MBTPS2: variants seen among roughly 807,000 people sequenced by gnomAD.
MBTPS2 encodes the protein membrane-bound transcription factor site-2 protease.
MBTPS2 carries 2 observed loss-of-function variants against 35.4 expected under a neutral mutation model. That is an observed-to-expected ratio of 0.06 (90% CI 0.02 to 0.18). The LOEUF (loss-of-function observed/expected upper bound fraction) is 0.18. Among genes scored for constraint, MBTPS2 ranks in the 10% least tolerant of loss-of-function variants. The probability of loss-of-function intolerance (pLI) is 1.00; values close to 1 mark genes in which losing one functional copy is unlikely to be tolerated. For missense variants in MBTPS2, 244 were observed against 386.5 expected (o/e 0.63, Z 3.09); for synonymous variants, 125 against 140.4 (o/e 0.89, Z 0.77).
chrX:21,863,133 T>C (rs937205737), intron 5 of MBTPS2, among the ~76,000 whole-genome samples: 3 of 96,967 alleles, frequency 3.1e-5, no homozygotes, highest in Admixed American at 1.2e-4. Context: ...CCGAGCATGC[T>C]GGCACGCGCC....
chrX:21,847,784 A>G (rs2092910165), intron 3 of MBTPS2, among the ~76,000 whole-genome samples: 1 of 112,266 alleles, frequency 8.9e-6, no homozygotes, highest in Admixed American at 9.5e-5. Flanking sequence ...AGAGAAAAGT[A>G]TAATACTGGA....
At chrX:21,874,573 C>A (rs2092951105) in intron 7 of MBTPS2, among the ~76,000 whole-genome samples, 1 of 111,930 alleles carries the variant, frequency 8.9e-6, no homozygotes, top group East Asian at 2.8e-4. Flanking sequence ...CACCTCTGGT[C>A]TAGACCATTC....
At chrX:21,848,443 T>A (rs1226646615) in intron 3 of MBTPS2, among the ~76,000 whole-genome samples, 1 of 107,742 alleles carries the variant, frequency 9.3e-6, no homozygotes, top group Non-Finnish European at 1.9e-5. Context: ...GGTGGGTGGA[T>A]CACGAGGTCA....
intron 7 of MBTPS2, among the ~76,000 whole-genome samples, chrX:21,875,305 T>C (rs938029861): frequency 8.9e-6 from 1 of 112,262 alleles, no homozygotes; most frequent in African/African-American, 3.2e-5. Context: ...TTCTGGTTTC[T>C]GTTGGGACAA....
Position 21,884,195 on chromosome X carries a change from A to G in MBTPS2, c.*1540A>G, listed in dbSNP as rs1346280300. 3 of 692,272 alleles carry G rather than the reference A, an allele frequency of 4.3e-6. No homozygotes were observed. Among genetic ancestry groups the G allele is most frequent in the Non-Finnish European group, 5.1e-6 (3 of 583,748 alleles). 57.1% of individuals were successfully genotyped at this position (692,272 alleles called of 1,213,427 possible). On this transcript the variant is annotated 3_prime_UTR_variant, in exon 11 of 11. Transcript: ENST00000379484. ...TAACATTTTATTAATGACTTGGGTC[A>G]TCAGTTAATACCAGTACTAAAACCA... is the stretch of plus-strand genomic sequence containing the variant.
At chrX:21,878,004 A>T (rs1241329414) in intron 7 of MBTPS2, 38 bp from the exon 8 acceptor site, 2 of 901,257 alleles carry the variant, frequency 2.2e-6, no homozygotes, top group African/African-American at 3.9e-5. Context: ...ATGTATTTTT[A>T]TATAAGAGAC....
chrX:21,846,652 G>A (rs758773893), intron 3 of MBTPS2, among the ~76,000 whole-genome samples: 1 of 112,575 alleles, frequency 8.9e-6, no homozygotes, highest in Non-Finnish European at 1.9e-5. Flanking sequence ...TTATAGGCAT[G>A]AGCCACTGCG....
At chrX:21,842,865 G>A (rs1466793769) in intron 1 of MBTPS2, among the ~76,000 whole-genome samples, 1 of 111,015 alleles carries the variant, frequency 9.0e-6, no homozygotes, top group Non-Finnish European at 1.9e-5. Context: ...GCATATTTTT[G>A]GTTTTTATTG....
At chrX:21,846,304 A>G (rs2092908608) in intron 3 of MBTPS2, among the ~76,000 whole-genome samples, 1 of 111,987 alleles carries the variant, frequency 8.9e-6, no homozygotes, top group Admixed American at 9.4e-5. Context: ...CACAGCTCAT[A>G]ACTAGTAGAT....
At position 21,853,575 on chromosome X, in the gene MBTPS2, G is replaced by A; in HGVS notation, c.670+72G>A. 5.1e-6 allele frequency: 5 copies of A among 984,370 alleles called. No individual in the cohort carries two copies. In the South Asian group the frequency reaches 9.7e-5, roughly 19 times the overall value. 81.1% of individuals were successfully genotyped at this position (984,370 alleles called of 1,213,427 possible). Reference sequence around the variant, plus strand: ...TGATTTTCTATGGTTAGTGCTTTTTGGAAAATATATCACAAATGACAATAT... The same window carrying A: ...TGATTTTCTATGGTTAGTGCTTTTTAGAAAATATATCACAAATGACAATAT... On this transcript the variant is annotated intron_variant, in intron 5 of 10. Transcript: ENST00000379484.
At position 21,878,028 on chromosome X, in the gene MBTPS2, G is replaced by A. The variant is rs1284776539; in HGVS notation, c.971-14G>A. The A allele has an allele frequency of 1.9e-6, 2 of 1,077,794 alleles. No homozygotes were observed. Among genetic ancestry groups the A allele is most frequent in the Non-Finnish European group, 2.6e-6 (2 of 774,763 alleles). 88.8% of individuals were successfully genotyped at this position (1,077,794 alleles called of 1,213,427 possible). A position where few individuals can be genotyped will look rare whatever the true frequency, so the allele number is the denominator to read the frequency against. On this transcript the variant is annotated splice_polypyrimidine_tract_variant and intron_variant, in intron 7 of 10. Coordinates refer to ENST00000379484, the MANE Select transcript of MBTPS2 (RefSeq NM_015884.4). ...TATATAAGAGACTCTAATAAACAGT[G>A]TATTTCTCTTTAGCATACAAACGAC...
chrX:21,839,783 G>A lies in MBTPS2; in HGVS notation c.49G>A (p.Val17Ile), dbSNP rs376119693. The A allele has an allele frequency of 5.9e-6, 7 of 1,196,435 alleles. No homozygotes were observed. Among genetic ancestry groups the A allele is most frequent in the Middle Eastern group, 2.3e-4 (1 of 4,314 alleles). Reference sequence around the variant, plus strand: ...GGTGGTGGTGGGTGGCTGGACTGTCGTCTACCTGACCGACTTGGTGCTGAA... The same window carrying A: ...GGTGGTGGTGGGTGGCTGGACTGTCATCTACCTGACCGACTTGGTGCTGAA... ...VVVVVGGWTVVYLTDLVLKSS... is the reference protein window; with the variant it reads ...VVVVVGGWTVIYLTDLVLKSS... Residue 17 changes from valine (V) to isoleucine (I), a missense_variant, in exon 1 of 11, where the codon GTC becomes ATC. Val to Ile is a conservative substitution (Grantham distance 29). Transcript: ENST00000379484.
Position 21,869,605 on chromosome X carries a change from C to A in MBTPS2, c.897C>A (p.Thr299=), listed in dbSNP as rs2092944659. ...NVQDWNECLD[T]IAYEPQIGYC... is the part of the protein sequence containing the mutation. ...AAGATTGGAATGAATGTTTAGATAC[C>A]ATCGCCTATGAGCCCCAAATTGGTT... Residue 299 remains threonine, a synonymous_variant, in exon 7 of 11, where the codon ACC becomes ACA. Coordinates refer to ENST00000379484, the MANE Select transcript of MBTPS2 (RefSeq NM_015884.4). The A allele has an allele frequency of 8.3e-7, 1 of 1,209,238 alleles. No individual in the cohort carries two copies. Among genetic ancestry groups the A allele is most frequent in the South Asian group, 1.8e-5 (1 of 56,899 alleles).
At chrX:21,857,156 A>G in intron 5 of MBTPS2, 1 of 1,211,997 alleles carries the variant, frequency 8.3e-7, no homozygotes, top group African/African-American at 1.7e-5. Context: ...CTGGGGGGTT[A>G]CCAGGCATTG....
intron 5 of MBTPS2, among the ~76,000 whole-genome samples, chrX:21,867,698 G>A (rs1336345756): frequency 9.5e-6 from 1 of 105,602 alleles, no homozygotes; most frequent in African/African-American, 3.5e-5. Flanking sequence ...GAGCGCAGTG[G>A]CACGATCTCA....
intron 5 of MBTPS2, among the ~76,000 whole-genome samples, chrX:21,863,233 A>G (rs1352492145): frequency 9.5e-5 from 9 of 94,638 alleles, no homozygotes; most frequent in Non-Finnish European, 1.9e-4. Context: ...ACGCCGTTGC[A>G]CTCCAGCCTG....
intron 7 of MBTPS2, among the ~76,000 whole-genome samples, chrX:21,873,278 T>C (rs1380558874): frequency 8.9e-6 from 1 of 111,908 alleles, no homozygotes; most frequent in Non-Finnish European, 1.9e-5. Flanking sequence ...TGGTCTTATC[T>C]GGGTCAGAAC....
chrX:21,839,774 T>C lies in MBTPS2; in HGVS notation c.40T>C (p.Trp14Arg). 8.4e-7 allele frequency: 1 copy of C among 1,195,148 alleles called. No homozygotes were observed. The highest frequency in any genetic ancestry group is 2.3e-5 in the Admixed American group (1 of 43,788). Residue 14 changes from tryptophan to arginine, a missense_variant, in exon 1 of 11, where the codon TGG (tryptophan) becomes CGG (arginine). Trp to Arg is a moderately radical substitution (Grantham distance 101, BLOSUM62 -3). Coordinates refer to ENST00000379484, the MANE Select transcript of MBTPS2 (RefSeq NM_015884.4). ...GCTGGTGGTGGTGGTGGTGGGTGGC[T>C]GGACTGTCGTCTACCTGACCGACTT... ...VSLVVVVVGG[W>R]TVVYLTDLVL...
At chrX:21,845,770 T>C (rs908199332) in intron 3 of MBTPS2, among the ~76,000 whole-genome samples, 6 of 112,627 alleles carry the variant, frequency 5.3e-5, no homozygotes, top group Non-Finnish European at 1.1e-4. Flanking sequence ...TTCCTTTTCA[T>C]GGCCTTCAGA....
Sources: allele counts gnomAD v4.1 joint callset (sites outside exome capture counted in the v4.1 genomes callset), GRCh38; gene constraint gnomAD v4.1.1; transcripts MANE v1.5; gene names NCBI Gene and HGNC (gene_info 2026-07-23, HGNC 2026-07-21).